PKHD1: variants seen among roughly 807,000 people sequenced by gnomAD.
PKHD1 encodes fibrocystin.
Under a neutral mutation model 412.0 loss-of-function variants are expected in PKHD1, and 291 were observed. The ratio of observed to expected loss-of-function variants is 0.71; its 90% CI spans 0.64 to 0.78. The LOEUF (loss-of-function observed/expected upper bound fraction) is 0.78. Among genes scored for constraint, PKHD1 ranks in the 30% least tolerant of loss-of-function variants. The pLI is 0.00. For missense variants in PKHD1, 4,825 were observed against 4,950.7 expected, an observed-to-expected ratio of 0.97 and a Z score of 0.76; for synonymous variants, 1,777 against 1,821.5, an observed-to-expected ratio of 0.98 and a Z score of 0.62.
chr6:51,919,712 C>T lies in PKHD1; in HGVS notation c.6122-7136G>A, dbSNP rs565754988. Among the ~76,000 whole-genome samples the T allele has an allele frequency of 2.6e-5, 4 of 152,252 alleles. No individual in the cohort carries two copies. The South Asian group carries it at 8.3e-4, about 32-fold the overall frequency. On this transcript the variant is annotated intron_variant, in intron 37 of 66. Coordinates refer to ENST00000371117, the MANE Select transcript of PKHD1 (RefSeq NM_138694.4). ...GGGATGGCATTGAATCTATAACTTACCTTGGGCAGTATGGCCATTTTCACG... is the reference window on the plus strand; with the variant it reads ...GGGATGGCATTGAATCTATAACTTATCTTGGGCAGTATGGCCATTTTCACG...
At chr6:52,056,599 T>C in intron 18 of PKHD1, 99 bp downstream of exon 18, 4 of 954,576 alleles carry the variant, frequency 4.2e-6, no homozygotes, top group South Asian at 2.6e-5. Flanking sequence ...TTTTTTACTC[T>C]GTTATCACCT....
intron 35 of PKHD1, among the ~76,000 whole-genome samples, chr6:51,984,575 G>A (rs1795981299): frequency 6.6e-6 from 1 of 152,188 alleles, no homozygotes; most frequent in African/African-American, 2.4e-5. Flanking sequence ...TGTGTTCAGT[G>A]ATCCTGTACA....
chr6:51,802,431 C>G (rs1763072059), intron 52 of PKHD1, among the ~76,000 whole-genome samples: 4 of 151,330 alleles, frequency 2.6e-5, no homozygotes, highest in Admixed American at 2.0e-4. Context: ...AGATAAAATC[C>G]CTCTCCAATC....
chr6:51,962,795 T>C (rs2127960303), intron 35 of PKHD1, among the ~76,000 whole-genome samples: 1 of 152,158 alleles, frequency 6.6e-6, no homozygotes, highest in South Asian at 2.1e-4. Context: ...CCTGTATTAT[T>C]ATTTTTAAAA....
chr6:52,031,691 C>T (rs1803057003), intron 29 of PKHD1, among the ~76,000 whole-genome samples: 2 of 152,280 alleles, frequency 1.3e-5, no homozygotes, highest in South Asian at 4.1e-4. Flanking sequence ...TCATCTCAGC[C>T]TCACGGTCAT....
intron 52 of PKHD1, among the ~76,000 whole-genome samples, chr6:51,828,852 A>G (rs2151498220): frequency 6.6e-6 from 1 of 152,238 alleles, no homozygotes; most frequent in Middle Eastern, 3.4e-3. Flanking sequence ...AGGGAAGAGT[A>G]AGGCCAAGCA....
At chr6:51,800,662 A>AT (rs1413464706) in intron 52 of PKHD1, among the ~76,000 whole-genome samples, 1 of 152,208 alleles carries the variant, frequency 6.6e-6, no homozygotes, top group African/African-American at 2.4e-5. Context: ...TAGAAATGAG[A>AT]TCAAGGGCAA....
intron 48 of PKHD1, among the ~76,000 whole-genome samples, chr6:51,865,034 G>T (rs532893641): frequency 6.8e-4 from 103 of 152,262 alleles, no homozygotes; most frequent in African/African-American, 2.4e-3. Flanking sequence ...TCACTGGCAT[G>T]TGTTTCTGAT....
intron 36 of PKHD1, among the ~76,000 whole-genome samples, chr6:51,945,250 C>G (rs1789281443): frequency 1.3e-5 from 2 of 152,136 alleles, no homozygotes; most frequent in South Asian, 4.1e-4. Flanking sequence ...TGTAAATAGT[C>G]AGGAAATCTA....
intron 35 of PKHD1, among the ~76,000 whole-genome samples, chr6:52,009,937 G>A (rs1799596428): frequency 1.3e-5 from 2 of 151,898 alleles, no homozygotes; most frequent in South Asian, 4.2e-4. Flanking sequence ...GCTGAGGACG[G>A]CTGAGTGATT....
In PKHD1 at chr6:51,763,637, A is replaced by G. The variant is rs879077776; in HGVS notation, c.8643-8699T>C. Reference sequence around the variant, plus strand: ...TTTTCTCTAAACTTAGTCCTCCTCAAGTGAATGACACCACTATCCAGCTAC... The same window carrying G: ...TTTTCTCTAAACTTAGTCCTCCTCAGGTGAATGACACCACTATCCAGCTAC... On this transcript the variant is annotated intron_variant, in intron 55 of 66. Coordinates refer to ENST00000371117, the MANE Select transcript of PKHD1 (RefSeq NM_138694.4). Among the ~76,000 whole-genome samples, 40 of 152,224 alleles carry G rather than the reference A, an allele frequency of 2.6e-4. 1 individual carries two copies. Among genetic ancestry groups the G allele is most frequent in the African/African-American group, 8.9e-4 (37 of 41,578 alleles).
In PKHD1 at chr6:51,939,007, G is replaced by C. The variant is rs181450177; in HGVS notation, c.5909-4685C>G. Among the ~76,000 whole-genome samples the C allele has an allele frequency of 1.2e-4, 18 of 151,474 alleles. 1 individual carries two copies. The highest frequency in any genetic ancestry group is 4.4e-4 in the African/African-American group (18 of 41,370). ...GACCCAAAACTCTGGCGCCAGTCACGGACTCAGGAAGACAGTCTTCCCTTG... is the reference window on the plus strand; with the variant it reads ...GACCCAAAACTCTGGCGCCAGTCACCGACTCAGGAAGACAGTCTTCCCTTG... On this transcript the variant is annotated intron_variant, in intron 36 of 66. Coordinates refer to ENST00000371117, the MANE Select transcript of PKHD1 (RefSeq NM_138694.4).
At chr6:52,005,462 G>C (rs961272939) in intron 35 of PKHD1, among the ~76,000 whole-genome samples, 2 of 152,132 alleles carry the variant, frequency 1.3e-5, no homozygotes, top group African/African-American at 2.4e-5. Flanking sequence ...GTGGGTTCTA[G>C]CCTTGCTGCC....
In PKHD1 at chr6:52,084,941, A is replaced by G. The variant is rs1812544574; in HGVS notation, c.-8T>C. The G allele has an allele frequency of 2.5e-6, 4 of 1,584,822 alleles. No homozygotes were observed. Among genetic ancestry groups the G allele is most frequent in the Non-Finnish European group, 3.5e-6 (4 of 1,153,602 alleles). On this transcript the variant is annotated 5_prime_UTR_variant, in exon 2 of 67. Coordinates refer to ENST00000371117, the MANE Select transcript of PKHD1 (RefSeq NM_138694.4). ...GATCAGCCAGGCAGTCATTCTGTCC[A>G]CTTAAATCAATACTCTTAAGATTGC...
chr6:51,859,080 C>T (rs1252343726), intron 48 of PKHD1, among the ~76,000 whole-genome samples: 1 of 152,146 alleles, frequency 6.6e-6, no homozygotes, highest in Non-Finnish European at 1.5e-5. Flanking sequence ...CATATTTCTG[C>T]AATCCTAGTC....
Position 51,982,847 on chromosome 6 carries a change from AAAAAAATAAAAATAAAATAAAAT to A in PKHD1, c.5752-22844_5752-22822del, listed in dbSNP as rs1293712987. On this transcript the variant is annotated intron_variant, in intron 35 of 66. Transcript: ENST00000371117. ...AATAATAAATAAAAAATAAAAAAAT[AAAAAAATAAAAATAAAATAAAAT>A]AAAATAAAATAAAATAAAATAAAAA... 1.9e-3 allele frequency among the ~76,000 whole-genome samples: 103 copies of A among 53,364 alleles called. 1 individual carries two copies. The highest frequency in any genetic ancestry group is 3.3e-3 in the African/African-American group (95 of 28,512). The allele number at this position is 53,364 out of a possible 152,430, so 35.0% of individuals were successfully genotyped here.
At chr6:51,998,367 T>G (rs1797953106) in intron 35 of PKHD1, among the ~76,000 whole-genome samples, 2 of 152,220 alleles carry the variant, frequency 1.3e-5, no homozygotes, top group South Asian at 4.1e-4. Flanking sequence ...AACTGGATAT[T>G]GGAGATCACT....
chr6:51,684,340 T>G (rs1308613325), intron 60 of PKHD1, among the ~76,000 whole-genome samples: 1 of 152,096 alleles, frequency 6.6e-6, no homozygotes, highest in Non-Finnish European at 1.5e-5. Flanking sequence ...CTTAAACAAC[T>G]GAGATTTGGA....
At chr6:51,675,468 G>A (rs1289839197) in intron 60 of PKHD1, among the ~76,000 whole-genome samples, 1 of 152,102 alleles carries the variant, frequency 6.6e-6, no homozygotes, top group East Asian at 1.9e-4. Context: ...ACCCATGCTG[G>A]CTTTGGTAAT....
Sources: allele counts gnomAD v4.1 joint callset (sites outside exome capture counted in the v4.1 genomes callset), GRCh38; gene constraint gnomAD v4.1.1; transcripts MANE v1.5; gene names NCBI Gene and HGNC (gene_info 2026-07-23, HGNC 2026-07-21).